TRIP4: variants seen among roughly 807,000 people sequenced by gnomAD.
The protein encoded by TRIP4 is thyroid hormone receptor interactor 4, also known as activating signal cointegrator 1.
A neutral mutation model predicts 81.8 loss-of-function variants in TRIP4; 54 were observed. That is an observed-to-expected ratio of 0.66 (90% CI 0.53 to 0.83). The LOEUF (loss-of-function observed/expected upper bound fraction) is 0.83. Among genes scored for constraint, TRIP4 ranks in the 40% least tolerant of loss-of-function variants. TRIP4 has a pLI of 0.00. For synonymous variants in TRIP4, 270 were observed against 242.8 expected (o/e 1.11, Z -1.04); for missense variants, 662 against 683.6 (o/e 0.97, Z 0.35).
At chr15:64,390,627 A>G (rs999618660) in intron 1 of TRIP4, among the ~76,000 whole-genome samples, 2 of 152,036 alleles carry the variant, frequency 1.3e-5, no homozygotes, top group Non-Finnish European at 2.9e-5. Flanking sequence ...GTGGTGGCTC[A>G]CGCCTGTAAT....
In TRIP4 at chr15:64,395,488, C is replaced by T. The variant is rs567414133; in HGVS notation, c.362C>T (p.Pro121Leu). The change falls in exon 3 of 13, where the codon CCT (proline) becomes CTT (leucine). Residue 121 changes from proline (P) to leucine (L), a missense_variant. Transcript: ENST00000261884. The stretch of plus-strand genomic sequence containing the variant: ...CAGGAAGTTCCTGCATTTACTGAAC[C>T]TGACACGACTGCAGAGGTTAAAACA... ...NRQEVPAFTEPDTTAEVKTPF... is the reference protein window; with the variant it reads ...NRQEVPAFTELDTTAEVKTPF... 5 of 1,613,820 alleles carry T rather than the reference C, an allele frequency of 3.1e-6. No individual in the cohort carries two copies. In the East Asian group the frequency reaches 1.1e-4, roughly 36 times the overall value.
At chr15:64,407,909 C>A (rs1891666392) in intron 6 of TRIP4, among the ~76,000 whole-genome samples, 1 of 151,926 alleles carries the variant, frequency 6.6e-6, no homozygotes, top group South Asian at 2.1e-4. Context: ...GCAGCCTGGG[C>A]AGCATAGCAA....
At chr15:64,421,641 T>C (rs1233793533) in intron 9 of TRIP4, among the ~76,000 whole-genome samples, 1 of 152,136 alleles carries the variant, frequency 6.6e-6, no homozygotes, top group Non-Finnish European at 1.5e-5. Context: ...CAGCCTTTAC[T>C]GTACCTTTTC....
intron 12 of TRIP4, among the ~76,000 whole-genome samples, chr15:64,446,476 C>T (rs1892634551): frequency 6.8e-6 from 1 of 147,760 alleles, no homozygotes; most frequent in Admixed American, 6.7e-5. Flanking sequence ...CCAATCTCGG[C>T]TCACTACAAC....
intron 7 of TRIP4, among the ~76,000 whole-genome samples, chr15:64,412,402 T>C (rs1054889286): frequency 3.9e-5 from 6 of 152,140 alleles, no homozygotes; most frequent in African/African-American, 1.4e-4. Context: ...CATACCTACC[T>C]CTCCCTTGAA....
intron 12 of TRIP4, among the ~76,000 whole-genome samples, chr15:64,447,868 C>T (rs1049666435): frequency 7.2e-5 from 11 of 152,132 alleles, no homozygotes; most frequent in African/African-American, 1.9e-4. Flanking sequence ...TGTGCCACCA[C>T]GCCCAGATAA....
chr15:64,446,999 G>T (rs1892649162), intron 12 of TRIP4, among the ~76,000 whole-genome samples: 1 of 152,056 alleles, frequency 6.6e-6, no homozygotes, highest in Admixed American at 6.5e-5. Context: ...AGCTACTCGG[G>T]AGGCTGAGGC....
At chr15:64,409,949 A>T in intron 7 of TRIP4, 121 bp downstream of exon 7, 1 of 899,100 alleles carries the variant, frequency 1.1e-6, no homozygotes, top group Non-Finnish European at 1.7e-6. Flanking sequence ...TGGAACAGAA[A>T]ACATGTTAAG....
At chr15:64,431,855 TATCCAAAGAGCATTGTGTTTTC>T (rs1566981722) in intron 11 of TRIP4, among the ~76,000 whole-genome samples, 10 of 131,746 alleles carry the variant, frequency 7.6e-5, no homozygotes, top group African/African-American at 2.1e-4. Flanking sequence ...ATATTTTTTT[TATCCAAAGAGCATTGTGTTTTC>T]TTTTTTTTTT....
intron 1 of TRIP4, among the ~76,000 whole-genome samples, chr15:64,391,022 T>A (rs1287956823): frequency 6.6e-6 from 1 of 152,236 alleles, no homozygotes; most frequent in African/African-American, 2.4e-5. Context: ...TATTATGCCA[T>A]GATGAAAGCA....
At chr15:64,453,757 G>A (rs1475987858) in intron 12 of TRIP4, among the ~76,000 whole-genome samples, 3 of 152,202 alleles carry the variant, frequency 2.0e-5, no homozygotes, top group African/African-American at 4.8e-5. Flanking sequence ...AACAGACAAA[G>A]AGAGATATAC....
chr15:64,408,328 G>A (rs1219330115), intron 6 of TRIP4, among the ~76,000 whole-genome samples: 9 of 131,808 alleles, frequency 6.8e-5, no homozygotes, highest in African/African-American at 2.2e-4. Flanking sequence ...GCGCCATCTC[G>A]GCTTACTGCA....
In TRIP4 at chr15:64,450,562, G is replaced by C. The variant is rs1337496130; in HGVS notation, c.1679-4435G>C. ...CCATCATTGCCCACAGCTGGCCCAA[G>C]AGTTGCCTCTATTGGCAATCACTCT... On this transcript the variant is annotated intron_variant, in intron 12 of 12. Transcript: ENST00000261884. 4 of 414,322 alleles carry C rather than the reference G, an allele frequency of 9.7e-6. No individual in the cohort carries two copies. The East Asian group carries it at 2.8e-4, about 29-fold the overall frequency. The allele number at this position is 414,322 out of a possible 1,614,324, so 25.7% of individuals were successfully genotyped here.
chr15:64,414,314 T>C (rs770934058), intron 8 of TRIP4, 103 bp downstream of exon 8: 12 of 1,460,270 alleles, frequency 8.2e-6, no homozygotes, highest in Non-Finnish European at 1.1e-5. Flanking sequence ...ATCAGCTCTC[T>C]CAATACACCT....
intron 4 of TRIP4, 92 bp downstream of exon 4, chr15:64,397,910 T>G: frequency 6.9e-7 from 1 of 1,439,376 alleles, no homozygotes; most frequent in Middle Eastern, 1.9e-4. Context: ...TTTTTGTTTT[T>G]TTTTGGTTGA....
chr15:64,404,603 G>A lies in TRIP4; in HGVS notation c.698-1727G>A, dbSNP rs139113632. ...TGGGATTACAGGCATGAACCACCGC[G>A]CTCGGCCTGTAATTTTATTATTAAT... On this transcript the variant is annotated intron_variant, in intron 5 of 12. Transcript: ENST00000261884. Among the ~76,000 whole-genome samples the A allele has an allele frequency of 4.0e-3, 607 of 151,974 alleles. 6 individuals are homozygous for A. The highest frequency in any genetic ancestry group is 0.014 in the African/African-American group (569 of 41,442).
chr15:64,445,234 T>C (rs892958082), intron 12 of TRIP4, 126 bp downstream of exon 12: 2 of 535,826 alleles, frequency 3.7e-6, no homozygotes, highest in African/African-American at 4.0e-5. Flanking sequence ...CCACTACCTT[T>C]GGATCAGCCT....
chr15:64,414,503 G>A lies in TRIP4; in HGVS notation c.1170+292G>A, dbSNP rs185487790. On this transcript the variant is annotated intron_variant, in intron 8 of 12. Transcript: ENST00000261884. The stretch of plus-strand genomic sequence containing the variant: ...GAAATTCCATGGTTCTTTTGTTAAT[G>A]CTCTTTCTCTTTTTTTTTTTTTTTT... Among the ~76,000 whole-genome samples, 78 of 134,962 alleles carry A rather than the reference G, an allele frequency of 5.8e-4. No homozygotes were observed. The East Asian group carries it at 0.01, about 17-fold the overall frequency. The allele number at this position is 134,962 out of a possible 152,430, so 88.5% of individuals were successfully genotyped here.
chr15:64,441,713 C>T (rs528387822), intron 11 of TRIP4, among the ~76,000 whole-genome samples: 2 of 152,162 alleles, frequency 1.3e-5, no homozygotes, highest in Admixed American at 6.5e-5. Flanking sequence ...ATGGAGCTTG[C>T]AGTGAGCCAA....
Sources: allele counts gnomAD v4.1 joint callset (sites outside exome capture counted in the v4.1 genomes callset), GRCh38; gene constraint gnomAD v4.1.1; transcripts MANE v1.5; gene names NCBI Gene and HGNC (gene_info 2026-07-23, HGNC 2026-07-21).